Variants in PKD2L1 observed in about 807,000 individuals in gnomAD.
PKD2L1 encodes polycystin 2 like 1, transient receptor potential cation channel.
Under a neutral mutation model 93.0 loss-of-function variants are expected in PKD2L1, and 77 were observed. The ratio of observed to expected loss-of-function variants is 0.83; its 90% CI spans 0.69 to 1.00. The LOEUF (loss-of-function observed/expected upper bound fraction) is 1.00, where lower values mean the gene tolerates loss of function less well. PKD2L1 is among the 50% of genes least tolerant of loss of function. The probability of loss-of-function intolerance (pLI) is 0.00; values close to 1 mark genes in which losing one functional copy is unlikely to be tolerated. For synonymous variants in PKD2L1, 390 were observed against 388.0 expected (o/e 1.01, Z -0.06); for missense variants, 977 against 990.9 (o/e 0.99, Z 0.19).
intron 2 of PKD2L1, among the ~76,000 whole-genome samples, chr10:100,304,756 A>G (rs945264667): frequency 6.6e-6 from 1 of 152,164 alleles, no homozygotes; most frequent in Non-Finnish European, 1.5e-5. Context: ...AAGTGTTGGA[A>G]TCATAGGCGT....
In PKD2L1 at chr10:100,292,940, T is replaced by C. The variant is rs778487095; in HGVS notation, c.1880+8A>G. 6 of 1,611,920 alleles carry C rather than the reference T, an allele frequency of 3.7e-6. No homozygotes were observed. The highest frequency in any genetic ancestry group is 5.1e-6 in the Non-Finnish European group (6 of 1,179,068). ...TTATTAGAGAAGGCTGGGTCTCTGG[T>C]TGCTCACTCCCTTAAGGTGTTGGTG... On this transcript the variant is annotated splice_region_variant and intron_variant, in intron 11 of 15. Transcript: ENST00000318222.
chr10:100,306,749 C>T (rs968215224), intron 2 of PKD2L1, among the ~76,000 whole-genome samples: 6 of 148,668 alleles, frequency 4.0e-5, no homozygotes, highest in South Asian at 4.3e-4. Flanking sequence ...CCCAGCTACT[C>T]GGGGGACTGA....
At chr10:100,323,805 C>T (rs1185690030) in intron 2 of PKD2L1, among the ~76,000 whole-genome samples, 1 of 151,984 alleles carries the variant, frequency 6.6e-6, no homozygotes, top group Non-Finnish European at 1.5e-5. Context: ...TTTTAATACA[C>T]TTTTTAAGAT....
intron 2 of PKD2L1, among the ~76,000 whole-genome samples, chr10:100,304,196 G>A (rs1589669725): frequency 2.0e-5 from 3 of 152,154 alleles, no homozygotes; most frequent in Middle Eastern, 3.4e-3. Context: ...ATCTAAATTT[G>A]GTTTAGTACC....
At chr10:100,317,244 C>T (rs190209964) in intron 2 of PKD2L1, among the ~76,000 whole-genome samples, 1 of 151,856 alleles carries the variant, frequency 6.6e-6, no homozygotes, top group African/African-American at 2.4e-5. Flanking sequence ...TTCAAACAAA[C>T]CCCCCAAAAA....
At chr10:100,307,469 G>A (rs974122062) in intron 2 of PKD2L1, among the ~76,000 whole-genome samples, 37 of 152,124 alleles carry the variant, frequency 2.4e-4, no homozygotes, top group African/African-American at 6.0e-4. Flanking sequence ...GAGCAGCATG[G>A]GCAAAACTGG....
chr10:100,291,950 C>G (rs1848415829), intron 11 of PKD2L1, among the ~76,000 whole-genome samples: 1 of 151,892 alleles, frequency 6.6e-6, no homozygotes, highest in Admixed American at 6.6e-5. Context: ...ACTACTTATT[C>G]CTCCTGTGTA....
rs1222925165 is a variant in PKD2L1 at position 100,297,031 on chromosome 10, C to A, written c.1134G>T (p.Arg378=). The A allele has an allele frequency of 6.2e-7, 1 of 1,613,998 alleles. No homozygotes were observed. Among genetic ancestry groups the A allele is most frequent in the East Asian group, 2.2e-5 (1 of 44,892 alleles). ...VEEILELHIH[R]LRYLSSIWNI... Reference sequence around the variant, plus strand: ...TCCAGATGCTGCTGAGGTAGCGAAGCCGGTGAATGTGGAGCTCCAGGATCT... The same window carrying A: ...TCCAGATGCTGCTGAGGTAGCGAAGACGGTGAATGTGGAGCTCCAGGATCT... The change falls in exon 6 of 16, where the codon CGG becomes CGT. Residue 378 remains arginine (R), a synonymous_variant. Coordinates refer to ENST00000318222, the MANE Select transcript of PKD2L1 (RefSeq NM_016112.3).
intron 2 of PKD2L1, among the ~76,000 whole-genome samples, chr10:100,317,435 A>T (rs141537925): frequency 1.4e-3 from 207 of 152,260 alleles, no homozygotes; most frequent in African/African-American, 4.7e-3. Context: ...GCTACTTGGG[A>T]GGCTGAGGTG....
chr10:100,308,957 G>A (rs1041357910), intron 2 of PKD2L1, among the ~76,000 whole-genome samples: 4 of 152,144 alleles, frequency 2.6e-5, no homozygotes, highest in African/African-American at 9.7e-5. Flanking sequence ...TCACCGTCTT[G>A]AAAGAAGCTC....
intron 2 of PKD2L1, among the ~76,000 whole-genome samples, chr10:100,323,639 G>C (rs544916214): frequency 5.3e-4 from 80 of 152,120 alleles, no homozygotes; most frequent in Admixed American, 1.2e-3. Context: ...ATCAAATCAG[G>C]CTAATTAACA....
rs1564618862 is a variant in PKD2L1, at chr10:100,330,053, A to T, written c.51T>A (p.Ser17Arg). 1 of 1,605,270 alleles carries T rather than the reference A, an allele frequency of 6.2e-7. No homozygotes were observed. The highest frequency in any genetic ancestry group is 2.2e-5 in the East Asian group (1 of 44,526). ...TGTAGGCGGGGTTGTCCCAGGCTCC[A>T]CTCCCCAGCTTTTGCAGCTCCTGCC... Reference protein sequence around the residue: ...PEGQELQKLGSGAWDNPAYSG... With the variant: ...PEGQELQKLGRGAWDNPAYSG... Residue 17 changes from serine to arginine, a missense_variant, in exon 1 of 16, where the codon AGT becomes AGA. Coordinates refer to ENST00000318222, the MANE Select transcript of PKD2L1 (RefSeq NM_016112.3).
chr10:100,321,226 G>A (rs940458153), intron 2 of PKD2L1, among the ~76,000 whole-genome samples: 18 of 151,986 alleles, frequency 1.2e-4, no homozygotes, highest in Non-Finnish European at 2.2e-4. Flanking sequence ...TTGGGAGGTC[G>A]AGGTGGGTGG....
intron 2 of PKD2L1, among the ~76,000 whole-genome samples, chr10:100,305,943 G>A (rs922118926): frequency 1.3e-5 from 2 of 152,108 alleles, no homozygotes; most frequent in East Asian, 1.9e-4. Flanking sequence ...AGCACTTTGA[G>A]AGGCTGATGC....
intron 5 of PKD2L1, 22 bp downstream of exon 5, chr10:100,297,360 A>C: frequency 1.3e-6 from 2 of 1,594,678 alleles, no homozygotes; most frequent in Non-Finnish European, 1.7e-6. Flanking sequence ...ACAGGGTGAT[A>C]AAGTAGGGAA....
In PKD2L1 at chr10:100,295,040, G is replaced by A. The variant is rs140093625; in HGVS notation, c.1440C>T (p.Phe480=). The change falls in exon 8 of 16, where the codon TTC becomes TTT. Residue 480 remains phenylalanine (F), a synonymous_variant. Coordinates refer to ENST00000318222, the MANE Select transcript of PKD2L1 (RefSeq NM_016112.3). ...LARCAKDILG[F]AVMFFIVFFA... is the part of the protein sequence containing the mutation. The stretch of plus-strand genomic sequence containing the variant: ...AGAAAACAATGAAGAACATGACGGC[G>A]AAGCCCAGGATGTCCTTGGCACAGC... The A allele has an allele frequency of 1.1e-4, 171 of 1,614,072 alleles. 1 individual carries two copies. The African/African-American group carries it at 1.5e-3, about 14-fold the overall frequency.
intron 2 of PKD2L1, among the ~76,000 whole-genome samples, chr10:100,306,583 C>T (rs886263779): frequency 4.0e-5 from 6 of 151,888 alleles, no homozygotes; most frequent in Non-Finnish European, 5.9e-5. Context: ...CTTAATGGGT[C>T]GGGCGCAATG....
chr10:100,322,648 T>C (rs1258004048), intron 2 of PKD2L1, among the ~76,000 whole-genome samples: 2 of 152,262 alleles, frequency 1.3e-5, no homozygotes, highest in Non-Finnish European at 2.9e-5. Context: ...AATGTTTTTA[T>C]ATCATCTTTT....
intron 2 of PKD2L1, among the ~76,000 whole-genome samples, chr10:100,317,702 G>A (rs1849130804): frequency 6.6e-6 from 1 of 152,126 alleles, no homozygotes; most frequent in Non-Finnish European, 1.5e-5. Flanking sequence ...ATGACCTTAA[G>A]CAAATATGTT....
Sources: allele counts gnomAD v4.1 joint callset (sites outside exome capture counted in the v4.1 genomes callset), GRCh38; gene constraint gnomAD v4.1.1; transcripts MANE v1.5; gene names NCBI Gene and HGNC (gene_info 2026-07-23, HGNC 2026-07-21).